The following ACBD6 variants were observed in gnomAD, a reference collection of about 807,000 sequenced individuals.
ACBD6 encodes the protein acyl-CoA-binding domain-containing protein 6.
In ACBD6, 28 loss-of-function variants were observed where a neutral mutation model predicts 37.2. The ratio of observed to expected loss-of-function variants is 0.75; its 90% CI spans 0.56 to 1.03. The LOEUF (loss-of-function observed/expected upper bound fraction) is 1.03, where lower values mean the gene tolerates loss of function less well. Among genes scored for constraint, ACBD6 ranks in the 50% least tolerant of loss-of-function variants. The pLI is 0.00. For missense variants in ACBD6, 340 were observed against 337.4 expected, an observed-to-expected ratio of 1.01 and a Z score of -0.06; for synonymous variants, 113 against 126.8, an observed-to-expected ratio of 0.89 and a Z score of 0.73.
chr1:180,415,236 A>C (rs1648037802), intron 4 of ACBD6, among the ~76,000 whole-genome samples: 2 of 152,032 alleles, frequency 1.3e-5, no homozygotes, highest in African/African-American at 4.8e-5. Context: ...GTTTCTACTA[A>C]AAATACACAA....
At chr1:180,428,938 G>A (rs1241799532) in intron 4 of ACBD6, among the ~76,000 whole-genome samples, 9 of 152,110 alleles carry the variant, frequency 5.9e-5, no homozygotes, top group South Asian at 2.1e-4. Context: ...TTACAATAGG[G>A]CTCTTAGGCT....
intron 7 of ACBD6, among the ~76,000 whole-genome samples, chr1:180,290,555 T>C (rs1435309535): frequency 1.3e-5 from 2 of 152,178 alleles, no homozygotes; most frequent in East Asian, 3.8e-4. Flanking sequence ...CAGAATGGAT[T>C]GTAAATATGT....
chr1:180,449,160 A>G (rs1160879990), intron 3 of ACBD6, among the ~76,000 whole-genome samples: 1 of 152,114 alleles, frequency 6.6e-6, no homozygotes, highest in Non-Finnish European at 1.5e-5. Flanking sequence ...CATGAAAGAG[A>G]GATTTAGAGA....
At chr1:180,404,794 T>A (rs1448997920) in intron 5 of ACBD6, among the ~76,000 whole-genome samples, 1 of 152,132 alleles carries the variant, frequency 6.6e-6, no homozygotes, top group Non-Finnish European at 1.5e-5. Flanking sequence ...AACTGTAGAT[T>A]TAAAAATGAT....
At chr1:180,288,726 G>C (rs1649584192) in intron 7 of ACBD6, among the ~76,000 whole-genome samples, 1 of 152,102 alleles carries the variant, frequency 6.6e-6, no homozygotes, top group Non-Finnish European at 1.5e-5. Flanking sequence ...TACCTTTTTG[G>C]TTGTCTAGGA....
intron 5 of ACBD6, among the ~76,000 whole-genome samples, chr1:180,409,859 A>C (rs1216278833): frequency 6.6e-6 from 1 of 152,218 alleles, no homozygotes; most frequent in Non-Finnish European, 1.5e-5. Flanking sequence ...CTTCAATCAA[A>C]TGCCAGAAAT....
chr1:180,443,194 C>T (rs1041762636), intron 3 of ACBD6, among the ~76,000 whole-genome samples: 9 of 152,154 alleles, frequency 5.9e-5, no homozygotes, highest in African/African-American at 2.2e-4. Context: ...AAGGCAAGGG[C>T]AAAGCAGCCT....
At chr1:180,483,209 T>A (rs72716625) in intron 3 of ACBD6, among the ~76,000 whole-genome samples, 24,177 of 152,112 alleles carry the variant, frequency 0.16, 1,966 homozygotes, top group Middle Eastern at 0.22. Flanking sequence ...GTTTCCTCTA[T>A]ACAGAATGTT....
At chr1:180,416,705 C>A (rs73037411) in intron 4 of ACBD6, among the ~76,000 whole-genome samples, 16,340 of 152,192 alleles carry the variant, frequency 0.11, 1,286 homozygotes, top group African/African-American at 0.21. Context: ...TTTGAAATAT[C>A]AGAGCACACT....
intron 3 of ACBD6, among the ~76,000 whole-genome samples, chr1:180,461,045 G>A (rs1347229605): frequency 1.3e-5 from 2 of 152,076 alleles, no homozygotes; most frequent in African/African-American, 4.8e-5. Flanking sequence ...TCCAAGATAG[G>A]GAAGAACACG....
At chr1:180,440,393 G>T (rs571751087) in intron 3 of ACBD6, among the ~76,000 whole-genome samples, 100 of 152,332 alleles carry the variant, frequency 6.6e-4, no homozygotes, top group South Asian at 5.8e-3. Flanking sequence ...ACAGGCATGA[G>T]CCACCAGATC....
chr1:180,347,001 G>A (rs938083606), intron 6 of ACBD6, among the ~76,000 whole-genome samples: 7 of 150,292 alleles, frequency 4.7e-5, no homozygotes, highest in African/African-American at 1.7e-4. Context: ...GGGTGACAGA[G>A]TGAGACCTTG....
At chr1:180,395,187 G>C (rs1004943153) in intron 6 of ACBD6, among the ~76,000 whole-genome samples, 1 of 152,166 alleles carries the variant, frequency 6.6e-6, no homozygotes, top group Non-Finnish European at 1.5e-5. Context: ...GAACTGGTTG[G>C]ATGATGGTGC....
intron 3 of ACBD6, among the ~76,000 whole-genome samples, chr1:180,431,772 GA>G (rs374281220): frequency 6.6e-6 from 1 of 151,470 alleles, no homozygotes; most frequent in Non-Finnish European, 1.5e-5. Context: ...GATACGAAAG[GA>G]AAAAAAATAG....
At chr1:180,388,805 T>G (rs1487085925) in intron 6 of ACBD6, among the ~76,000 whole-genome samples, 1 of 151,390 alleles carries the variant, frequency 6.6e-6, no homozygotes, top group African/African-American at 2.4e-5. Context: ...AGAAAACAAT[T>G]TCATTTATAA....
At chr1:180,274,619 G>A in intron 10 of ACBD6, 3 of 1,515,484 alleles carry the variant, frequency 2.0e-6, no homozygotes, top group Non-Finnish European at 2.6e-6. Flanking sequence ...CCTGGCTTGA[G>A]AGAATATCTT....
At chr1:180,326,168 T>C (rs1191401395) in intron 6 of ACBD6, among the ~76,000 whole-genome samples, 1 of 152,150 alleles carries the variant, frequency 6.6e-6, no homozygotes, top group Non-Finnish European at 1.5e-5. Flanking sequence ...AGCTAGGGAT[T>C]GGAGGAAAAA....
intron 6 of ACBD6, among the ~76,000 whole-genome samples, chr1:180,360,229 A>G (rs1336982114): frequency 6.6e-6 from 1 of 152,186 alleles, no homozygotes; most frequent in Non-Finnish European, 1.5e-5. Flanking sequence ...CCCCCTTCAG[A>G]CTGGGTTTTA....
intron 3 of ACBD6, among the ~76,000 whole-genome samples, chr1:180,453,014 T>C (rs1370547310): frequency 1.3e-5 from 2 of 152,190 alleles, no homozygotes; most frequent in African/African-American, 2.4e-5. Context: ...CCACTCCTTC[T>C]GAAACTACTC....
Sources: allele counts gnomAD v4.1 joint callset (sites outside exome capture counted in the v4.1 genomes callset), GRCh38; gene constraint gnomAD v4.1.1; transcripts MANE v1.5; gene names NCBI Gene and HGNC (gene_info 2026-07-23, HGNC 2026-07-21).